The following PLAC1 variants were observed in gnomAD, a reference collection of about 807,000 sequenced individuals.
PLAC1 encodes the protein placenta-specific protein 1.
For synonymous variants in PLAC1, 68 were observed against 62.1 expected (o/e 1.09, Z -0.44); for missense variants, 136 against 163.2 (o/e 0.83, Z 0.91).
chrX:134,695,102 T>A (rs927439585), intron 2 of PLAC1, among the ~76,000 whole-genome samples: 2 of 112,002 alleles, frequency 1.8e-5, no homozygotes, highest in Non-Finnish European at 3.8e-5. Flanking sequence ...ATATGATTAG[T>A]TCTCTTGGAG....
At chrX:134,688,063 T>G (rs943276445) in intron 2 of PLAC1, among the ~76,000 whole-genome samples, 21 of 105,964 alleles carry the variant, frequency 2.0e-4, no homozygotes, top group African/African-American at 6.9e-4. Flanking sequence ...ACTTCACAAG[T>G]TTTCCTGATG....
intron 2 of PLAC1, among the ~76,000 whole-genome samples, chrX:134,713,949 G>C (rs760036385): frequency 3.1e-4 from 35 of 111,676 alleles, no homozygotes; most frequent in African/African-American, 1.1e-3. Flanking sequence ...AGCTGGAACC[G>C]AATGAGAAGG....
At chrX:134,581,604 G>A (rs993095169) in intron 2 of PLAC1, among the ~76,000 whole-genome samples, 1 of 100,709 alleles carries the variant, frequency 9.9e-6, no homozygotes, top group East Asian at 3.4e-4. Context: ...TCAGCCCCCC[G>A]AGTAGCTGGG....
At chrX:134,717,514 G>A (rs2078646733) in intron 2 of PLAC1, among the ~76,000 whole-genome samples, 1 of 112,026 alleles carries the variant, frequency 8.9e-6, no homozygotes, top group African/African-American at 3.2e-5. Flanking sequence ...GCCTGCCTCA[G>A]CCTCCCAAAG....
rs2078074787 is a variant in PLAC1 at position 134,598,882 on chromosome X, C to A, written c.-59+3169G>T. On this transcript the variant is annotated intron_variant, in intron 2 of 2. Transcript: ENST00000359237. ...TTAGCTTGAGCTGTTAGCAAAACAT[C>A]CAAGCACAAGTACACAGTAAGTATT... Among the ~76,000 whole-genome samples the A allele has an allele frequency of 1.8e-5, 2 of 111,202 alleles. 1 individual carries two copies. The highest frequency in any genetic ancestry group is 1.9e-4 in the Admixed American group (2 of 10,388).
chrX:134,642,764 T>C (rs1439810210), intron 1 of PLAC1, among the ~76,000 whole-genome samples: 1 of 111,285 alleles, frequency 9.0e-6, no homozygotes, highest in Non-Finnish European at 1.9e-5. Flanking sequence ...AAATACACAA[T>C]CATCAAAAAT....
At chrX:134,637,220 T>C (rs967002516) in intron 1 of PLAC1, among the ~76,000 whole-genome samples, 16 of 110,957 alleles carry the variant, frequency 1.4e-4, no homozygotes, top group African/African-American at 5.3e-4. Context: ...CACCCAGGGG[T>C]GTGTGTAGCC....
At chrX:134,749,475 A>G (rs1406315348) in intron 1 of PLAC1, among the ~76,000 whole-genome samples, 1 of 111,967 alleles carries the variant, frequency 8.9e-6, no homozygotes, top group African/African-American at 3.2e-5. Flanking sequence ...AACCTGGGTG[A>G]CAGAAGAAAA....
intron 1 of PLAC1, among the ~76,000 whole-genome samples, chrX:134,638,796 A>T (rs1202282973): frequency 9.1e-6 from 1 of 109,755 alleles, no homozygotes; most frequent in African/African-American, 3.3e-5. Flanking sequence ...AAAACCTTTT[A>T]TTTTAGGTTC....
At position 134,732,677 on chromosome X, in the gene PLAC1, C is replaced by T. The variant is rs750824955; in HGVS notation, n.174+758G>A. 4.5e-5 allele frequency among the ~76,000 whole-genome samples: 5 copies of T among 112,192 alleles called. No individual in the cohort carries two copies. The South Asian group carries it at 1.5e-3, about 34-fold the overall frequency. ...GGTTATCAAAAAGCACGACTGTGGG[C>T]GAGGAGAAACCTTGAGCTTTATTAG... On this transcript the variant is annotated intron_variant and non_coding_transcript_variant, in intron 2 of 2. Coordinates refer to the PLAC1 transcript ENST00000466797.
intron 2 of PLAC1, among the ~76,000 whole-genome samples, chrX:134,701,239 G>C (rs2078582186): frequency 8.9e-6 from 1 of 111,887 alleles, no homozygotes; most frequent in African/African-American, 3.3e-5. Context: ...ACCATATGCA[G>C]AAGAATGAAA....
intron 1 of PLAC1, among the ~76,000 whole-genome samples, chrX:134,763,825 AAAGAAAGAAAG>A (rs2078777051): frequency 2.0e-4 from 1 of 4,986 alleles, no homozygotes; most frequent in African/African-American, 5.5e-4. Context: ...CCGAAAAAAA[AAAGAAAGAAAG>A]AAAGAAAGAA....
chrX:134,740,318 C>CA (rs77285641), intron 1 of PLAC1, among the ~76,000 whole-genome samples: 11,290 of 50,537 alleles, frequency 0.22, 1,684 homozygotes, highest in African/African-American at 0.5. Flanking sequence ...ATTCCGTCTC[C>CA]AAAAAAAAAA....
intron 2 of PLAC1, among the ~76,000 whole-genome samples, chrX:134,710,739 T>C (rs188853510): frequency 1.7e-3 from 194 of 111,045 alleles, no homozygotes; most frequent in African/African-American, 5.9e-3. Context: ...GAAGAAAACA[T>C]ACCAAATTAA....
chrX:134,723,357 G>A (rs1375865144), intron 2 of PLAC1, among the ~76,000 whole-genome samples: 1 of 106,996 alleles, frequency 9.3e-6, no homozygotes, highest in African/African-American at 3.4e-5. Context: ...ACCCAGGCTG[G>A]AGTGCAGTGG....
At chrX:134,615,098 G>A (rs1234068431) in intron 1 of PLAC1, among the ~76,000 whole-genome samples, 1 of 112,013 alleles carries the variant, frequency 8.9e-6, no homozygotes, top group South Asian at 3.7e-4. Context: ...ATCCAGAAGG[G>A]GAATTGATAG....
intron 2 of PLAC1, among the ~76,000 whole-genome samples, chrX:134,716,308 A>G (rs377597406): frequency 3.6e-5 from 4 of 112,634 alleles, no homozygotes; most frequent in African/African-American, 9.7e-5. Context: ...GCTAATGGCA[A>G]AAAAGACAGG....
chrX:134,718,649 C>T (rs1046876580), intron 2 of PLAC1, among the ~76,000 whole-genome samples: 12 of 112,250 alleles, frequency 1.1e-4, no homozygotes, highest in African/African-American at 3.2e-4. Flanking sequence ...GCAGCCCCGC[C>T]TGGAGGGAAG....
At chrX:134,607,305 T>C in intron 1 of PLAC1, 1 of 150,073 alleles carries the variant, frequency 6.7e-6, no homozygotes, top group Non-Finnish European at 1.4e-5. Context: ...CAGAAAGGAA[T>C]ACCCCACAAA....
Sources: gnomAD v4.1 joint callset for allele counts (sites outside exome capture counted in the v4.1 genomes callset) on GRCh38, gnomAD v4.1.1 for gene constraint, MANE v1.5 for transcripts, NCBI Gene and HGNC (gene_info 2026-07-23, HGNC 2026-07-21) for gene names.